The following SYN3 variants were observed in gnomAD, a reference collection of about 807,000 sequenced individuals.
The protein encoded by SYN3 is synapsin-3.
A neutral mutation model predicts 65.8 loss-of-function variants in SYN3; 35 were observed. The ratio of observed to expected loss-of-function variants is 0.53; its 90% CI spans 0.41 to 0.70. SYN3 has a LOEUF of 0.70. Ranked by LOEUF, SYN3 falls within the 30% of genes least tolerant of loss-of-function variation. The pLI, the probability that SYN3 is intolerant of heterozygous loss-of-function variation, is 0.00. For synonymous variants in SYN3, 270 were observed against 292.9 expected, an observed-to-expected ratio of 0.92 and a Z score of 0.80; for missense variants, 680 against 749.0, an observed-to-expected ratio of 0.91 and a Z score of 1.08.
intron 7 of SYN3, among the ~76,000 whole-genome samples, chr22:32,561,519 T>G (rs1212088227): frequency 6.6e-6 from 1 of 152,110 alleles, no homozygotes; most frequent in African/African-American, 2.4e-5. Flanking sequence ...CTGGCTGGTT[T>G]TCTTCAGCAG....
intron 3 of SYN3, among the ~76,000 whole-genome samples, chr22:32,944,224 G>T (rs542581355): frequency 1.3e-5 from 2 of 152,220 alleles, no homozygotes; most frequent in South Asian, 4.1e-4. Context: ...AAATGTAAAA[G>T]AACAGAAATT....
chr22:32,600,209 G>C (rs1447649555), intron 6 of SYN3, among the ~76,000 whole-genome samples: 2 of 152,168 alleles, frequency 1.3e-5, no homozygotes, highest in African/African-American at 4.8e-5. Flanking sequence ...GGGGTGATGG[G>C]AGACAGTGAC....
At chr22:32,753,084 C>T (rs755742395) in intron 6 of SYN3, among the ~76,000 whole-genome samples, 40 of 152,240 alleles carry the variant, frequency 2.6e-4, no homozygotes, top group South Asian at 6.2e-4. Flanking sequence ...AAGAGCCCCT[C>T]GGGGCCCCTG....
At chr22:32,622,593 C>G (rs963815111) in intron 6 of SYN3, among the ~76,000 whole-genome samples, 11 of 152,180 alleles carry the variant, frequency 7.2e-5, no homozygotes, top group African/African-American at 2.7e-4. Flanking sequence ...TGTTTTCTCA[C>G]AGCCACACTT....
At chr22:32,917,523 C>T (rs188758056) in intron 4 of SYN3, among the ~76,000 whole-genome samples, 24 of 152,264 alleles carry the variant, frequency 1.6e-4, no homozygotes, top group East Asian at 1.2e-3. Flanking sequence ...AAGTGGCCAC[C>T]GGGCAATTTC....
intron 6 of SYN3, among the ~76,000 whole-genome samples, chr22:32,768,455 A>G (rs955103870): frequency 4.6e-5 from 7 of 151,996 alleles, no homozygotes; most frequent in Non-Finnish European, 8.8e-5. Context: ...CCTCACCTAC[A>G]TTCTCAGGTT....
At chr22:32,788,811 C>T (rs1378093424) in intron 6 of SYN3, among the ~76,000 whole-genome samples, 1 of 152,200 alleles carries the variant, frequency 6.6e-6, no homozygotes, top group African/African-American at 2.4e-5. Context: ...CTTGGCATTG[C>T]CACTAGTCAT....
intron 2 of SYN3, among the ~76,000 whole-genome samples, chr22:32,994,907 C>T (rs989673204): frequency 5.3e-5 from 8 of 152,154 alleles, no homozygotes; most frequent in African/African-American, 1.2e-4. Context: ...CAGCCTAAGC[C>T]GTGTACCAGC....
chr22:33,030,270 A>G (rs2053725412), intron 1 of SYN3, among the ~76,000 whole-genome samples: 1 of 152,228 alleles, frequency 6.6e-6, no homozygotes. Flanking sequence ...CACGGTGCCA[A>G]ATAAGTGCCC....
intron 6 of SYN3, among the ~76,000 whole-genome samples, chr22:32,632,815 T>C (rs1467352312): frequency 6.6e-6 from 1 of 152,238 alleles, no homozygotes; most frequent in Non-Finnish European, 1.5e-5. Flanking sequence ...GTTTTCTTAC[T>C]GTCATTTTCT....
chr22:32,705,008 G>A (rs190025378), intron 6 of SYN3, among the ~76,000 whole-genome samples: 312 of 152,278 alleles, frequency 2.0e-3, no homozygotes, highest in African/African-American at 7.1e-3. Flanking sequence ...GAGGTTTTCT[G>A]TTTACTAGGC....
At chr22:32,774,767 T>C (rs1014123623) in intron 6 of SYN3, among the ~76,000 whole-genome samples, 3 of 152,206 alleles carry the variant, frequency 2.0e-5, no homozygotes, top group Non-Finnish European at 2.9e-5. Context: ...GCTAATTTTG[T>C]ACTTTTAGTA....
intron 2 of SYN3, among the ~76,000 whole-genome samples, chr22:32,994,551 G>C (rs1429039225): frequency 5.9e-5 from 9 of 152,190 alleles, no homozygotes; most frequent in African/African-American, 2.2e-4. Context: ...GAGCCTTAGG[G>C]GTAGGGGAAG....
At chr22:32,678,378 G>A (rs1304801359) in intron 6 of SYN3, among the ~76,000 whole-genome samples, 1 of 152,092 alleles carries the variant, frequency 6.6e-6, no homozygotes, top group Non-Finnish European at 1.5e-5. Flanking sequence ...CTCTCCAAAT[G>A]TGTGATGTCA....
At chr22:32,724,742 A>T (rs534868901) in intron 6 of SYN3, among the ~76,000 whole-genome samples, 1 of 152,300 alleles carries the variant, frequency 6.6e-6, no homozygotes, top group East Asian at 1.9e-4. Flanking sequence ...AAATGGCGCA[A>T]GAGAGGGAAG....
chr22:32,912,280 G>GT (rs890814440), intron 4 of SYN3, among the ~76,000 whole-genome samples: 1 of 152,068 alleles, frequency 6.6e-6, no homozygotes, highest in East Asian at 1.9e-4. Flanking sequence ...TGAGCAGAAG[G>GT]TTTTTTTGGT....
At chr22:32,595,959 C>T (rs1314399878) in intron 7 of SYN3, among the ~76,000 whole-genome samples, 1 of 152,166 alleles carries the variant, frequency 6.6e-6, no homozygotes, top group Non-Finnish European at 1.5e-5. Context: ...CACCTGCAGT[C>T]CCACCTACTT....
chr22:32,565,835 C>G (rs977205735), intron 7 of SYN3, among the ~76,000 whole-genome samples: 8 of 152,146 alleles, frequency 5.3e-5, no homozygotes, highest in Non-Finnish European at 1.2e-4. Flanking sequence ...CCTCAGCCCC[C>G]CCGAGTAGCT....
chr22:32,754,823 T>C (rs1315698491), intron 6 of SYN3, among the ~76,000 whole-genome samples: 1 of 152,220 alleles, frequency 6.6e-6, no homozygotes, highest in African/African-American at 2.4e-5. Context: ...GAAATCACTT[T>C]CCTGTGCTTT....
Sources: allele counts gnomAD v4.1 joint callset (sites outside exome capture counted in the v4.1 genomes callset), GRCh38; gene constraint gnomAD v4.1.1; transcripts MANE v1.5; gene names NCBI Gene and HGNC (gene_info 2026-07-23, HGNC 2026-07-21).